The following CEACAM19 variants were observed in gnomAD, a reference collection of about 807,000 sequenced individuals.
CEACAM19 encodes the protein CEA cell adhesion molecule 19.
In CEACAM19, 37 loss-of-function variants were observed where a neutral mutation model predicts 37.6. The observed-to-expected ratio is 0.98, with a 90% confidence interval of 0.76 to 1.29. The LOEUF is 1.29. Ranked by LOEUF, CEACAM19 falls within the 50% of genes most tolerant of loss-of-function variation. The probability of loss-of-function intolerance (pLI) is 0.00; values close to 1 mark genes in which losing one functional copy is unlikely to be tolerated. For missense variants in CEACAM19, 340 were observed against 375.6 expected (o/e 0.91, Z 0.78); for synonymous variants, 140 against 149.8 (o/e 0.93, Z 0.48).
chr19:44,672,002 A>G lies in CEACAM19; in HGVS notation c.55+16A>G. 6.3e-7 allele frequency: 1 copy of G among 1,595,310 alleles called. No individual in the cohort carries two copies. On this transcript the variant is annotated intron_variant, in intron 1 of 7. Transcript: ENST00000358777. The stretch of plus-strand genomic sequence containing the variant: ...CTGCTCTCAGGTAAGGAGGAAATAG[A>G]CCCTAAAGGCCAAGGGGAGAAATGG...
chr19:44,683,390 TCC>T, intron 7 of CEACAM19, 45 bp from the exon 8 acceptor site: 1 of 771,602 alleles, frequency 1.3e-6, no homozygotes, highest in Non-Finnish European at 2.2e-6. Context: ...CCCAAGACTC[TCC>T]CCCTCCACCC....
upstream of CEACAM19, among the ~76,000 whole-genome samples, chr19:44,667,796 AT>A (rs1973754690): frequency 4.1e-5 from 3 of 72,790 alleles, no homozygotes; most frequent in Non-Finnish European, 6.9e-5. Flanking sequence ...ATATATATAA[AT>A]TATATAATTT....
intron 7 of CEACAM19, 114 bp from the exon 8 acceptor site, chr19:44,683,323 C>G (rs1423201177): frequency 1.4e-5 from 7 of 516,388 alleles, no homozygotes; most frequent in Non-Finnish European, 2.2e-5. Flanking sequence ...CTTCCATTCT[C>G]TCTGCGGGTT....
chr19:44,680,532 C>T (rs1205789368), intron 5 of CEACAM19, among the ~76,000 whole-genome samples, 198 bp downstream of exon 5: 3 of 151,922 alleles, frequency 2.0e-5, no homozygotes, highest in Non-Finnish European at 4.4e-5. Context: ...TTTTTCTCTT[C>T]TTCTCAGTGG....
At chr19:44,667,877 A>AC (rs1326635356), upstream of CEACAM19, among the ~76,000 whole-genome samples, 2 of 69,032 alleles carry the variant, frequency 2.9e-5, no homozygotes, top group East Asian at 8.5e-4. Context: ...TATAATATAT[A>AC]AATATATATA....
chr19:44,667,677 TTA>T (rs959685185), upstream of CEACAM19, among the ~76,000 whole-genome samples: 76 of 86,044 alleles, frequency 8.8e-4, 1 homozygote, highest in Middle Eastern at 0.011. Context: ...TAAATATATA[TTA>T]TATATATAAA....
upstream of CEACAM19, among the ~76,000 whole-genome samples, chr19:44,667,611 A>G (rs1347683012): frequency 9.7e-6 from 1 of 103,176 alleles, no homozygotes; most frequent in African/African-American, 3.9e-5. Context: ...ATAAATATAT[A>G]TTATATATTT....
At chr19:44,674,530 A>G (rs762745571) in intron 2 of CEACAM19, among the ~76,000 whole-genome samples, 2 of 151,940 alleles carry the variant, frequency 1.3e-5, no homozygotes, top group Non-Finnish European at 2.9e-5. Context: ...CTTCCCATGT[A>G]GCTGGGACTG....
intron 4 of CEACAM19, among the ~76,000 whole-genome samples, chr19:44,679,934 A>C (rs981994160): frequency 1.2e-4 from 19 of 152,278 alleles, no homozygotes; most frequent in African/African-American, 4.1e-4. Flanking sequence ...TGTCTCAAAA[A>C]ATTAAAAAAT....
At chr19:44,677,507 C>T (rs1402883615) in intron 3 of CEACAM19, 2 of 151,860 alleles carry the variant, frequency 1.3e-5, no homozygotes, top group Non-Finnish European at 2.9e-5. Context: ...AGAGTCTATT[C>T]GTGAAAAATT....
intron 7 of CEACAM19, chr19:44,682,999 G>GTC (rs1224123283): frequency 5.4e-5 from 14 of 259,502 alleles, no homozygotes; most frequent in Non-Finnish European, 8.0e-5. Context: ...CTGTAGTTCT[G>GTC]TCTCTCTCTC....
At position 44,682,684 on chromosome 19, in the gene CEACAM19, G is replaced by C. The variant is rs545088015; in HGVS notation, c.846+64G>C. On this transcript the variant is annotated intron_variant, in intron 7 of 7. Transcript: ENST00000358777. ...ACGGATCCAGGAGCCCCGAAGCCGG[G>C]GTGGGGAGGGGTCAAGACAACTGAA... 6.8e-6 allele frequency: 10 copies of C among 1,470,500 alleles called. No individual in the cohort carries two copies. The East Asian group carries it at 2.5e-4, about 37-fold the overall frequency. The allele number at this position is 1,470,500 out of a possible 1,614,324, so 91.1% of individuals were successfully genotyped here.
Position 44,671,671 on chromosome 19 carries a change from C to A in CEACAM19, c.-261C>A. The A allele has an allele frequency of 2.1e-6, 1 of 479,576 alleles. No homozygotes were observed. The highest frequency in any genetic ancestry group is 3.7e-6 in the Non-Finnish European group (1 of 269,154). 29.7% of individuals were successfully genotyped at this position (479,576 alleles called of 1,614,324 possible). On this transcript the variant is annotated 5_prime_UTR_variant, in exon 1 of 8. Coordinates refer to ENST00000358777, the MANE Select transcript of CEACAM19 (RefSeq NM_001127893.3). The stretch of plus-strand genomic sequence containing the variant: ...GTGAGAAAAAGAGGTTGAAGAGGGT[C>A]AGGGGAGGAGTCCTGGGAAGTTCCC...
Position 44,672,627 on chromosome 19 carries a change from C to T in CEACAM19, c.87C>T (p.Gly29=). Residue 29 remains glycine (G), a synonymous_variant, in exon 2 of 8, where the codon GGC becomes GGT. Coordinates refer to ENST00000358777, the MANE Select transcript of CEACAM19 (RefSeq NM_001127893.3). ...TCCTGGTCCTCTGGATGCTCCAAGG[C>T]TCCCAGGCAGCTCTCTACATCCAGA... ...ASILVLWMLQ[G]SQAALYIQKI... is the part of the protein sequence containing the mutation. The T allele has an allele frequency of 2.0e-6, 3 of 1,490,974 alleles. No homozygotes were observed. The highest frequency in any genetic ancestry group is 2.8e-5 in the South Asian group (2 of 70,628). The allele number at this position is 1,490,974 out of a possible 1,614,324, so 92.4% of individuals were successfully genotyped here. A position where few individuals can be genotyped will look rare whatever the true frequency, so the allele number is the denominator to read the frequency against.
chr19:44,678,770 C>T, intron 3 of CEACAM19, 83 bp from the exon 4 acceptor site: 2 of 1,491,672 alleles, frequency 1.3e-6, no homozygotes, highest in Non-Finnish European at 1.8e-6. Flanking sequence ...TCTCCATTTT[C>T]CTTCATAGGG....
chr19:44,682,173 C>T (rs1193316034), intron 6 of CEACAM19, among the ~76,000 whole-genome samples: 1 of 152,082 alleles, frequency 6.6e-6, no homozygotes, highest in African/African-American at 2.4e-5. Context: ...TCACTTGAGC[C>T]CAGGAGTTTG....
At position 44,676,338 on chromosome 19, in the gene CEACAM19, T is replaced by G; in HGVS notation, c.492T>G (p.Ile164Met). 1 of 1,614,138 alleles carries G rather than the reference T, an allele frequency of 6.2e-7. No individual in the cohort carries two copies. The highest frequency in any genetic ancestry group is 2.2e-5 in the East Asian group (1 of 44,864). ...TNAGILAATI[I>M]GSLAAGALLI... The stretch of plus-strand genomic sequence containing the variant: ...CTGGGATCCTGGCGGCCACCATCAT[T>G]GGATCTCTTGCTGCCGGGGCCCTTC... Residue 164 changes from isoleucine to methionine, a missense_variant, in exon 3 of 8, where the codon ATT (isoleucine) becomes ATG (methionine). Physicochemically the swap from Ile to Met is conservative, Grantham distance 10. Transcript: ENST00000358777.
intron 6 of CEACAM19, among the ~76,000 whole-genome samples, chr19:44,681,656 G>A (rs934054807): frequency 6.6e-6 from 1 of 152,158 alleles, no homozygotes; most frequent in Non-Finnish European, 1.5e-5. Context: ...TAGGCTGGGC[G>A]TGGTGGCTCA....
rs1020076051 is a variant in CEACAM19, at chr19:44,681,462, A to G, written c.792+150A>G. 6.9e-6 allele frequency: 4 copies of G among 581,140 alleles called. No homozygotes were observed. In the African/African-American group the frequency reaches 7.6e-5, roughly 11 times the overall value. The allele number at this position is 581,140 out of a possible 1,614,324, so 36.0% of individuals were successfully genotyped here. On this transcript the variant is annotated intron_variant, in intron 6 of 7. Transcript: ENST00000358777. The stretch of plus-strand genomic sequence containing the variant: ...TCCCTGTTTTTAAAAATCCTAAGGA[A>G]AAGAGACTGGAAGGAAACAGCACAA...
Sources: allele counts gnomAD v4.1 joint callset (sites outside exome capture counted in the v4.1 genomes callset), GRCh38; gene constraint gnomAD v4.1.1; transcripts MANE v1.5; gene names NCBI Gene and HGNC (gene_info 2026-07-23, HGNC 2026-07-21).